The following QRFPR variants were observed in gnomAD, a reference collection of about 807,000 sequenced individuals.
QRFPR encodes the protein pyroglutamylated RF-amide peptide receptor.
Under a neutral mutation model 31.3 loss-of-function variants are expected in QRFPR, and 37 were observed. The ratio of observed to expected loss-of-function variants is 1.18; its 90% confidence interval spans 0.91 to 1.56. The LOEUF (loss-of-function observed/expected upper bound fraction) is 1.56, where lower values mean the gene tolerates loss of function less well. QRFPR is among the 40% of genes most tolerant of loss of function. The pLI is 0.00. For synonymous variants in QRFPR, 197 were observed against 192.0 expected, an observed-to-expected ratio of 1.03 and a Z score of -0.22; for missense variants, 542 against 532.5, an observed-to-expected ratio of 1.02 and a Z score of -0.18.
At chr4:121,345,053 TATTTTG>T (rs1560736673) in intron 1 of QRFPR, among the ~76,000 whole-genome samples, 1 of 152,254 alleles carries the variant, frequency 6.6e-6, no homozygotes, top group African/African-American at 2.4e-5. Flanking sequence ...GTATTTCTCA[TATTTTG>T]ATTTTCCAGC....
At chr4:121,336,008 TTTAATGTTCTCTTATCTTAGGCTC>T (rs1725428158) in intron 3 of QRFPR, among the ~76,000 whole-genome samples, 2 of 152,352 alleles carry the variant, frequency 1.3e-5, no homozygotes, top group East Asian at 3.9e-4. Context: ...AGGTTACTTT[TTTAATGTTCTCTTATCTTAGGCTC>T]ATTTGTTATC....
chr4:121,378,963 C>G (rs1279584685), intron 1 of QRFPR, among the ~76,000 whole-genome samples: 3 of 152,160 alleles, frequency 2.0e-5, no homozygotes, highest in Admixed American at 6.5e-5. Context: ...AACTCATGTG[C>G]TTTTCCCCAA....
intron 1 of QRFPR, among the ~76,000 whole-genome samples, chr4:121,372,419 A>G (rs946281134): frequency 6.6e-6 from 1 of 152,218 alleles, no homozygotes; most frequent in Non-Finnish European, 1.5e-5. Context: ...TTATTGTGGT[A>G]GAATATATCT....
chr4:121,379,258 A>G (rs12642360), intron 1 of QRFPR, among the ~76,000 whole-genome samples: 96,946 of 152,110 alleles, frequency 0.64, 32,515 homozygotes, highest in Non-Finnish European at 0.74. Context: ...TAAGCTAATG[A>G]GAAAAAAAGC....
rs1295605483 is a variant in QRFPR at position 121,332,947 on chromosome 4, AG to A, written c.670del (p.Leu224SerfsTer6). On this transcript the variant is annotated frameshift_variant, in exon 4 of 6. Transcript: ENST00000394427. LOFTEE classifies it high-confidence loss of function. ...AATAAGCATCACCATAAGAGGCAGGAGGAAGAGGATGACAAGGATGAAGGTG... is the reference window on the plus strand; with the variant it reads ...AATAAGCATCACCATAAGAGGCAGGAGAAGAGGATGACAAGGATGAAGGTG... ...YTTFILVILF[L>X]LPLMVMLILY... The A allele has an allele frequency of 6.2e-7, 1 of 1,614,066 alleles. No individual in the cohort carries two copies.
intron 1 of QRFPR, among the ~76,000 whole-genome samples, chr4:121,378,114 G>T (rs546621396): frequency 6.6e-6 from 1 of 152,182 alleles, no homozygotes; most frequent in South Asian, 2.1e-4. Flanking sequence ...CCCCTTAATA[G>T]AATTAATACC....
At chr4:121,367,493 T>C (rs910516587) in intron 1 of QRFPR, among the ~76,000 whole-genome samples, 1 of 150,358 alleles carries the variant, frequency 6.7e-6, no homozygotes, top group Non-Finnish European at 1.5e-5. Context: ...ACTACTTCAT[T>C]GTATTTTATC....
chr4:121,340,180 G>A, intron 2 of QRFPR: 1 of 356,460 alleles, frequency 2.8e-6, no homozygotes, highest in South Asian at 3.9e-5. Context: ...CCACTGGTAG[G>A]TTATCTTAGA....
intron 1 of QRFPR, among the ~76,000 whole-genome samples, chr4:121,343,802 C>T (rs1158193575): frequency 2.0e-5 from 3 of 152,068 alleles, no homozygotes; most frequent in Non-Finnish European, 4.4e-5. Flanking sequence ...TTGCTGTATT[C>T]ATTTTAGTGT....
In QRFPR at chr4:121,380,502, A is replaced by C; in HGVS notation, c.146T>G (p.Val49Gly). 6.2e-7 allele frequency: 1 copy of C among 1,614,184 alleles called. No homozygotes were observed. The highest frequency in any genetic ancestry group is 8.5e-7 in the Non-Finnish European group (1 of 1,180,006). The change falls in exon 1 of 6, where the codon GTG becomes GGG. Residue 49 changes from valine to glycine, a missense_variant. Coordinates refer to ENST00000394427, the MANE Select transcript of QRFPR (RefSeq NM_198179.3). ...GGCGAAGATGAGCACGCCGGTGAGC[A>C]CGAGGGCCAGCTTGGCGCGTCCCGG... is the stretch of plus-strand genomic sequence containing the variant. ...ELPGRAKLAL[V>G]LTGVLIFALA...
chr4:121,374,128 T>A (rs1726304475), intron 1 of QRFPR, among the ~76,000 whole-genome samples: 1 of 152,220 alleles, frequency 6.6e-6, no homozygotes, highest in African/African-American at 2.4e-5. Context: ...GTATGTCTTA[T>A]ATTCCAATCT....
chr4:121,339,317 A>G (rs539273809), intron 2 of QRFPR, among the ~76,000 whole-genome samples: 120 of 152,332 alleles, frequency 7.9e-4, no homozygotes, highest in African/African-American at 2.7e-3. Flanking sequence ...TAAGGTTTTA[A>G]ATGGCTCAAT....
intron 1 of QRFPR, among the ~76,000 whole-genome samples, chr4:121,367,882 A>ATTTT (rs33979199): frequency 0.011 from 1,575 of 144,370 alleles, 102 homozygotes; most frequent in African/African-American, 0.036. Context: ...ACATTTGCAG[A>ATTTT]TTTTTTTTTT....
At chr4:121,355,021 G>A (rs1725838235) in intron 1 of QRFPR, among the ~76,000 whole-genome samples, 1 of 152,014 alleles carries the variant, frequency 6.6e-6, no homozygotes, top group Admixed American at 6.6e-5. Context: ...ATATTGGCCT[G>A]TAGTTTTTCT....
intron 1 of QRFPR, among the ~76,000 whole-genome samples, chr4:121,365,529 T>A (rs1325669421): frequency 0.67 from 21,630 of 32,456 alleles, 6,889 homozygotes; most frequent in East Asian, 0.84. Flanking sequence ...ATATATATTA[T>A]ATATAATATA....
intron 1 of QRFPR, among the ~76,000 whole-genome samples, chr4:121,365,914 T>C (rs1244398449): frequency 6.8e-6 from 1 of 147,100 alleles, no homozygotes; most frequent in Admixed American, 6.8e-5. Context: ...TATGTATATA[T>C]ATTAGGGGCC....
At chr4:121,349,973 C>A (rs1269199972) in intron 1 of QRFPR, among the ~76,000 whole-genome samples, 1 of 152,004 alleles carries the variant, frequency 6.6e-6, no homozygotes, top group Non-Finnish European at 1.5e-5. Context: ...CTGGGATGAT[C>A]CGTTACTCCT....
chr4:121,380,359 AG>A lies in QRFPR; in HGVS notation c.288del (p.Phe97SerfsTer34). 6.2e-7 allele frequency: 1 copy of A among 1,614,188 alleles called. No individual in the cohort carries two copies. Among genetic ancestry groups the A allele is most frequent in the Non-Finnish European group, 8.5e-7 (1 of 1,180,018 alleles). ...SLALSDLLITFFCIPVTMLQN... is the reference protein window; with the variant it reads ...SLALSDLLITXFCIPVTMLQN... ...TGGAGCATGGTGACGGGAATGCAGA[AG>A]AAGGTGATGAGCAGGTCACTGAGCG... On this transcript the variant is annotated frameshift_variant, in exon 1 of 6. Transcript: ENST00000394427. LOFTEE classifies it high-confidence loss of function.
At chr4:121,338,212 T>C (rs779469704) in intron 2 of QRFPR, among the ~76,000 whole-genome samples, 1 of 152,240 alleles carries the variant, frequency 6.6e-6, no homozygotes, top group Non-Finnish European at 1.5e-5. Context: ...ACATCTGTTC[T>C]ATTTTAATCA....
Sources: allele counts gnomAD v4.1 joint callset (sites outside exome capture counted in the v4.1 genomes callset), GRCh38; gene constraint gnomAD v4.1.1; transcripts MANE v1.5; gene names NCBI Gene and HGNC (gene_info 2026-07-23, HGNC 2026-07-21).